GPC6: variants seen among roughly 807,000 people sequenced by gnomAD.
GPC6 encodes the protein glypican 6, also known as glypican-6.
In GPC6, 14 loss-of-function variants were observed where a neutral mutation model predicts 55.2. The observed-to-expected ratio is 0.25, with a 90% CI of 0.17 to 0.40. The LOEUF is 0.40. Ranked by LOEUF, GPC6 falls within the 10% of genes least tolerant of loss-of-function variation. The probability of loss-of-function intolerance (pLI) is 1.00; values close to 1 mark genes in which losing one functional copy is unlikely to be tolerated. For missense variants in GPC6, 641 were observed against 708.5 expected (o/e 0.90, Z 1.08); for synonymous variants, 278 against 259.6 (o/e 1.07, Z -0.68).
At chr13:94,313,789 A>T (rs1171997736) in intron 6 of GPC6, among the ~76,000 whole-genome samples, 1 of 152,252 alleles carries the variant, frequency 6.6e-6, no homozygotes, top group Admixed American at 6.5e-5. Context: ...ATCCTCAGAA[A>T]CACTTAAGCA....
At chr13:93,301,019 C>CAA (rs11405602) in intron 1 of GPC6, among the ~76,000 whole-genome samples, 10 of 142,616 alleles carry the variant, frequency 7.0e-5, no homozygotes, top group East Asian at 4.0e-4. Context: ...AACTCCGTCT[C>CAA]AAAAAAAAAA....
chr13:93,938,457 C>A (rs1234168997), intron 3 of GPC6, among the ~76,000 whole-genome samples: 3 of 152,078 alleles, frequency 2.0e-5, no homozygotes, highest in Non-Finnish European at 4.4e-5. Context: ...GAGACCCTAC[C>A]ATGTTATTCT....
intron 2 of GPC6, among the ~76,000 whole-genome samples, chr13:93,545,626 A>G (rs1349486330): frequency 6.6e-6 from 1 of 152,046 alleles, no homozygotes; most frequent in Non-Finnish European, 1.5e-5. Flanking sequence ...ACCTGGTTTA[A>G]CAAAGAGCTG....
chr13:94,146,521 G>A (rs996765399), intron 4 of GPC6, among the ~76,000 whole-genome samples: 4 of 151,938 alleles, frequency 2.6e-5, no homozygotes, highest in African/African-American at 4.8e-5. Context: ...CAATTATAGC[G>A]TTCAAAAACA....
At chr13:93,395,247 C>T (rs2762114) in intron 1 of GPC6, 236,395 of 436,048 alleles carry the variant, frequency 0.54, 70,969 homozygotes, top group Non-Finnish European at 0.66. Context: ...GAACCACTTG[C>T]ACAACCACCA....
intron 3 of GPC6, among the ~76,000 whole-genome samples, chr13:93,856,834 A>C (rs1888632783): frequency 6.6e-6 from 1 of 151,562 alleles, no homozygotes; most frequent in Admixed American, 6.6e-5. Context: ...TCATTAGCTG[A>C]CCTCCAGACC....
At chr13:94,350,321 C>A (rs1033077248) in intron 6 of GPC6, among the ~76,000 whole-genome samples, 2 of 152,090 alleles carry the variant, frequency 1.3e-5, no homozygotes, top group African/African-American at 4.8e-5. Flanking sequence ...GGTGGACTAA[C>A]TTCATCAGAG....
At chr13:94,370,652 T>C (rs1485531060) in intron 6 of GPC6, among the ~76,000 whole-genome samples, 1 of 152,230 alleles carries the variant, frequency 6.6e-6, no homozygotes, top group Non-Finnish European at 1.5e-5. Flanking sequence ...ACTTGCTAAG[T>C]CACTGATTTA....
In GPC6 at chr13:93,414,803, C is replaced by G. The variant is rs184212658; in HGVS notation, c.161-130460C>G. 2.6e-5 allele frequency among the ~76,000 whole-genome samples: 4 copies of G among 152,172 alleles called. No homozygotes were observed. The East Asian group carries it at 7.7e-4, about 29-fold the overall frequency. ...ATTTCCTAGGCTTTTTCTTAAAGCT[C>G]TTTTCCCCTCCCTCTTAATGTTATG... On this transcript the variant is annotated intron_variant, in intron 1 of 8. Transcript: ENST00000377047.
intron 1 of GPC6, among the ~76,000 whole-genome samples, chr13:93,295,380 G>A (rs1324823639): frequency 3.3e-5 from 5 of 151,384 alleles, no homozygotes; most frequent in Non-Finnish European, 5.9e-5. Context: ...ACAACAAACT[G>A]ATTTCTCACA....
intron 2 of GPC6, among the ~76,000 whole-genome samples, chr13:93,670,487 C>T (rs528398820): frequency 3.6e-4 from 55 of 152,204 alleles, no homozygotes; most frequent in Non-Finnish European, 7.8e-4. Flanking sequence ...CATGGCCAGA[C>T]AGTTATCTCT....
At chr13:93,838,353 T>A (rs760406587) in intron 3 of GPC6, among the ~76,000 whole-genome samples, 14 of 152,150 alleles carry the variant, frequency 9.2e-5, no homozygotes, top group Non-Finnish European at 2.1e-4. Flanking sequence ...GAGTAGGGAA[T>A]CATCAGATGT....
chr13:93,928,801 G>C (rs1034431536), intron 3 of GPC6, among the ~76,000 whole-genome samples: 2 of 148,006 alleles, frequency 1.4e-5, no homozygotes, highest in African/African-American at 5.0e-5. Context: ...TTTCAAAGAG[G>C]GTTCTCTTCA....
chr13:93,511,866 C>A (rs1360125993), intron 1 of GPC6, among the ~76,000 whole-genome samples: 2 of 151,810 alleles, frequency 1.3e-5, no homozygotes, highest in African/African-American at 4.8e-5. Flanking sequence ...TTGTAGTTTG[C>A]CTTGTATAGA....
At chr13:93,308,020 C>G (rs1033075515) in intron 1 of GPC6, among the ~76,000 whole-genome samples, 2 of 152,080 alleles carry the variant, frequency 1.3e-5, no homozygotes, top group Non-Finnish European at 2.9e-5. Flanking sequence ...CACGGTGGCT[C>G]ACGTCTGTAA....
At chr13:93,501,686 G>A (rs1483491056) in intron 1 of GPC6, among the ~76,000 whole-genome samples, 1 of 152,112 alleles carries the variant, frequency 6.6e-6, no homozygotes, top group Non-Finnish European at 1.5e-5. Context: ...CACATTTCAT[G>A]TGAGACACTG....
chr13:93,663,451 G>C (rs1436520034), intron 2 of GPC6, among the ~76,000 whole-genome samples: 2 of 152,086 alleles, frequency 1.3e-5, no homozygotes, highest in East Asian at 3.9e-4. Context: ...GGTCTGTTAA[G>C]CTTATGTACT....
chr13:93,374,505 A>C (rs1566323784), intron 1 of GPC6, among the ~76,000 whole-genome samples: 1 of 152,182 alleles, frequency 6.6e-6, no homozygotes, highest in Non-Finnish European at 1.5e-5. Flanking sequence ...AATAAGTACG[A>C]GTAATATTAA....
intron 3 of GPC6, among the ~76,000 whole-genome samples, chr13:93,882,937 T>A (rs1360119578): frequency 2.0e-5 from 3 of 152,232 alleles, no homozygotes. Context: ...GGCAAACTTC[T>A]AAGAAACGTC....
Sources: allele counts gnomAD v4.1 joint callset (sites outside exome capture counted in the v4.1 genomes callset), GRCh38; gene constraint gnomAD v4.1.1; transcripts MANE v1.5; gene names NCBI Gene and HGNC (gene_info 2026-07-23, HGNC 2026-07-21).